HS3ST5: variants seen among roughly 807,000 people sequenced by gnomAD.
HS3ST5 encodes the protein heparan sulfate-glucosamine 3-sulfotransferase 5.
Under a neutral mutation model 25.4 loss-of-function variants are expected in HS3ST5, and 10 were observed. The ratio of observed to expected loss-of-function variants is 0.39; its 90% CI spans 0.24 to 0.67. The LOEUF (loss-of-function observed/expected upper bound fraction) is 0.67. Among genes scored for constraint, HS3ST5 ranks in the 30% least tolerant of loss-of-function variants. The probability of loss-of-function intolerance (pLI) is 0.44; values close to 1 mark genes in which losing one functional copy is unlikely to be tolerated. For synonymous variants in HS3ST5, 170 were observed against 162.4 expected, an observed-to-expected ratio of 1.05 and a Z score of -0.36; for missense variants, 324 against 420.7, an observed-to-expected ratio of 0.77 and a Z score of 2.01.
chr6:114,159,764 A>G (rs1291353378), intron 3 of HS3ST5, among the ~76,000 whole-genome samples: 1 of 152,218 alleles, frequency 6.6e-6, no homozygotes, highest in Admixed American at 6.5e-5. Flanking sequence ...AGACATTATC[A>G]AAAAATTTTC....
At chr6:114,277,041 C>T (rs1773887557) in intron 1 of HS3ST5, among the ~76,000 whole-genome samples, 2 of 151,896 alleles carry the variant, frequency 1.3e-5, no homozygotes, top group South Asian at 2.1e-4. Context: ...TACCCTTTCC[C>T]CAGTCTGACT....
At chr6:114,294,881 T>G (rs1350821953) in intron 1 of HS3ST5, among the ~76,000 whole-genome samples, 1 of 152,196 alleles carries the variant, frequency 6.6e-6, no homozygotes, top group Admixed American at 6.5e-5. Flanking sequence ...TCTATGTATC[T>G]TTCTTTTTCT....
In HS3ST5 at chr6:114,310,383, C is replaced by T. The variant is rs910321504; in HGVS notation, c.-339+31812G>A. On this transcript the variant is annotated intron_variant, in intron 1 of 4. Coordinates refer to ENST00000312719, the MANE Select transcript of HS3ST5 (RefSeq NM_153612.4). Reference sequence around the variant, plus strand: ...AGAGATATGAAAACAAATAATTATGCTTATCTGTAACTTATTAAGGACTCC... The same window carrying T: ...AGAGATATGAAAACAAATAATTATGTTTATCTGTAACTTATTAAGGACTCC... Among the ~76,000 whole-genome samples, 8 of 152,128 alleles carry T rather than the reference C, an allele frequency of 5.3e-5. No homozygotes were observed. The South Asian group carries it at 1.0e-3, about 20-fold the overall frequency.
At chr6:114,335,623 T>C (rs1482740126) in intron 1 of HS3ST5, among the ~76,000 whole-genome samples, 2 of 151,900 alleles carry the variant, frequency 1.3e-5, no homozygotes, top group Admixed American at 6.6e-5. Context: ...ATAAGAACAA[T>C]GAATTAGCTG....
intron 4 of HS3ST5, chr6:114,059,061 T>G (rs1772944668): frequency 6.6e-6 from 1 of 152,216 alleles, no homozygotes; most frequent in South Asian, 2.1e-4. Context: ...GGATTTCCAC[T>G]TCAGTATTAT....
intron 3 of HS3ST5, among the ~76,000 whole-genome samples, chr6:114,147,705 C>T (rs758304486): frequency 5.3e-5 from 8 of 152,190 alleles, no homozygotes; most frequent in South Asian, 4.2e-4. Context: ...CTCAGCCTCC[C>T]GAGTAGCTGG....
intron 3 of HS3ST5, among the ~76,000 whole-genome samples, chr6:114,151,347 T>C (rs1341850025): frequency 6.6e-6 from 1 of 152,232 alleles, no homozygotes; most frequent in Non-Finnish European, 1.5e-5. Flanking sequence ...GGTGTTTGAT[T>C]ATTTATCCAG....
intron 3 of HS3ST5, among the ~76,000 whole-genome samples, chr6:114,153,139 C>A (rs1392594070): frequency 6.6e-6 from 1 of 152,094 alleles, no homozygotes; most frequent in African/African-American, 2.4e-5. Flanking sequence ...CTGATGCCCA[C>A]GGTACTGTTA....
chr6:114,268,942 C>T (rs1198172054), intron 1 of HS3ST5, among the ~76,000 whole-genome samples: 1 of 152,142 alleles, frequency 6.6e-6, no homozygotes, highest in Non-Finnish European at 1.5e-5. Context: ...ATTCCTCATG[C>T]TAGCTCTCCA....
At chr6:114,287,026 G>A (rs1774368892) in intron 1 of HS3ST5, among the ~76,000 whole-genome samples, 1 of 151,752 alleles carries the variant, frequency 6.6e-6, no homozygotes, top group Admixed American at 6.6e-5. Context: ...TGTGCTTGAA[G>A]GTGTCTTGTA....
chr6:114,090,316 T>C (rs1775058314), intron 3 of HS3ST5, among the ~76,000 whole-genome samples: 1 of 152,192 alleles, frequency 6.6e-6, no homozygotes, highest in Non-Finnish European at 1.5e-5. Context: ...TAGTATACTT[T>C]GTAACAAATT....
At position 114,056,904 on chromosome 6, in the gene HS3ST5, T is replaced by G; in HGVS notation, c.*353A>C. ...CTGAAGCTTCGCAGCCATTGGTACATTTTCACACATTTATCTTTTGGCTTA... is the reference window on the plus strand; with the variant it reads ...CTGAAGCTTCGCAGCCATTGGTACAGTTTCACACATTTATCTTTTGGCTTA... On this transcript the variant is annotated 3_prime_UTR_variant, in exon 5 of 5. Transcript: ENST00000312719. 1 of 184,754 alleles carries G rather than the reference T, an allele frequency of 5.4e-6. No homozygotes were observed. Among genetic ancestry groups the G allele is most frequent in the African/African-American group, 2.3e-5 (1 of 42,836 alleles). 11.4% of individuals were successfully genotyped at this position (184,754 alleles called of 1,614,324 possible). A position where few individuals can be genotyped will look rare whatever the true frequency, so the allele number is the denominator to read the frequency against.
intron 1 of HS3ST5, among the ~76,000 whole-genome samples, chr6:114,245,087 T>C (rs1254885168): frequency 1.3e-5 from 2 of 152,228 alleles, no homozygotes; most frequent in African/African-American, 4.8e-5. Context: ...AGGTTTTAGA[T>C]ACTATTCAGT....
chr6:114,097,602 T>C (rs1304208670), intron 3 of HS3ST5, among the ~76,000 whole-genome samples: 2 of 151,990 alleles, frequency 1.3e-5, no homozygotes, highest in East Asian at 3.8e-4. Context: ...TATAAAATTC[T>C]GTATAGAACT....
intron 2 of HS3ST5, among the ~76,000 whole-genome samples, chr6:114,210,334 A>T (rs1481140881): frequency 6.6e-6 from 1 of 152,158 alleles, no homozygotes; most frequent in Non-Finnish European, 1.5e-5. Flanking sequence ...GCATTAAAAA[A>T]TCTGTGATCA....
At chr6:114,226,570 C>A (rs1398662516) in intron 2 of HS3ST5, among the ~76,000 whole-genome samples, 3 of 151,818 alleles carry the variant, frequency 2.0e-5, no homozygotes, top group Non-Finnish European at 4.4e-5. Context: ...TATGAAGAGA[C>A]TTTTATATGA....
intron 3 of HS3ST5, among the ~76,000 whole-genome samples, chr6:114,145,751 T>A (rs1582650025): frequency 6.6e-6 from 1 of 152,010 alleles, no homozygotes; most frequent in Non-Finnish European, 1.5e-5. Context: ...CGTGTGGGGG[T>A]GCTGTGGGAA....
intron 2 of HS3ST5, among the ~76,000 whole-genome samples, chr6:114,228,164 G>A (rs1771396696): frequency 6.6e-6 from 1 of 152,042 alleles, no homozygotes; most frequent in Non-Finnish European, 1.5e-5. Flanking sequence ...CTTGTGAGTG[G>A]GTAAATGTAA....
intron 3 of HS3ST5, among the ~76,000 whole-genome samples, chr6:114,116,902 T>G (rs1332311058): frequency 1.3e-5 from 2 of 152,070 alleles, no homozygotes; most frequent in South Asian, 4.1e-4. Context: ...TCCCCCTCCC[T>G]TCATCCATTA....
Sources: allele counts gnomAD v4.1 joint callset (sites outside exome capture counted in the v4.1 genomes callset), GRCh38; gene constraint gnomAD v4.1.1; transcripts MANE v1.5; gene names NCBI Gene and HGNC (gene_info 2026-07-23, HGNC 2026-07-21).